The following LRP1B variants were observed in gnomAD, a reference collection of about 807,000 sequenced individuals.
LRP1B encodes the protein low-density lipoprotein receptor-related protein 1B.
A neutral mutation model predicts 556.6 loss-of-function variants in LRP1B; 217 were observed. The observed-to-expected ratio is 0.39, with a 90% confidence interval of 0.35 to 0.44. The LOEUF (loss-of-function observed/expected upper bound fraction) is 0.44. LRP1B is among the 20% of genes least tolerant of loss of function. The probability of loss-of-function intolerance (pLI) is 1.00; values close to 1 mark genes in which losing one functional copy is unlikely to be tolerated. For missense variants in LRP1B, 5,053 were observed against 5,620.8 expected (o/e 0.90, Z 3.23); for synonymous variants, 2,047 against 1,865.8 (o/e 1.10, Z -2.50).
intron 2 of LRP1B, among the ~76,000 whole-genome samples, chr2:141,697,526 C>A (rs1167024833): frequency 6.6e-6 from 1 of 151,876 alleles, no homozygotes; most frequent in Non-Finnish European, 1.5e-5. Flanking sequence ...TGAAGAAGCA[C>A]TGGAAAGTAA....
At chr2:140,748,441 AT>A (rs1559094211) in intron 35 of LRP1B, among the ~76,000 whole-genome samples, 4 of 59,862 alleles carry the variant, frequency 6.7e-5, no homozygotes, top group South Asian at 7.0e-4. Context: ...TTATATATAT[AT>A]TATATATATA....
chr2:140,389,836 A>C (rs369356436), intron 66 of LRP1B, among the ~76,000 whole-genome samples: 1 of 151,504 alleles, frequency 6.6e-6, no homozygotes, highest in Non-Finnish European at 1.5e-5. Context: ...TTGTAAAATT[A>C]CATGGAAAAG....
intron 3 of LRP1B, among the ~76,000 whole-genome samples, chr2:141,260,066 G>A (rs1036086232): frequency 6.6e-6 from 1 of 151,788 alleles, no homozygotes; most frequent in Non-Finnish European, 1.5e-5. Flanking sequence ...GACATGACTC[G>A]GTTGTAGTTT....
At chr2:140,359,171 A>G (rs1422826184) in intron 72 of LRP1B, among the ~76,000 whole-genome samples, 2 of 151,652 alleles carry the variant, frequency 1.3e-5, no homozygotes, top group African/African-American at 2.4e-5. Flanking sequence ...GGAAATACGA[A>G]AGAGCCAAAC....
chr2:140,617,426 A>G (rs539087905), intron 41 of LRP1B, among the ~76,000 whole-genome samples: 1 of 152,110 alleles, frequency 6.6e-6, no homozygotes, highest in South Asian at 2.1e-4. Flanking sequence ...TGGAAATAAA[A>G]ATCAGTGTGT....
chr2:140,420,014 G>GAAAAAAAAAAA (rs76165653), intron 66 of LRP1B, among the ~76,000 whole-genome samples: 1 of 86,352 alleles, frequency 1.2e-5, no homozygotes, highest in Middle Eastern at 9.8e-3. Context: ...TCATAAAAAA[G>GAAAAAAAAAAA]AAAAAAAAAA....
At chr2:141,946,924 A>G (rs1700969146) in intron 1 of LRP1B, among the ~76,000 whole-genome samples, 1 of 152,216 alleles carries the variant, frequency 6.6e-6, no homozygotes, top group Non-Finnish European at 1.5e-5. Flanking sequence ...ATACATTTAA[A>G]AAAACCAAGA....
intron 86 of LRP1B, among the ~76,000 whole-genome samples, chr2:140,260,598 C>T (rs1273912194): frequency 6.6e-6 from 1 of 151,680 alleles, no homozygotes; most frequent in African/African-American, 2.4e-5. Context: ...TTAGCCACAA[C>T]TTTGTGGCAA....
At chr2:141,122,235 G>A (rs1317563841) in intron 7 of LRP1B, among the ~76,000 whole-genome samples, 1 of 152,022 alleles carries the variant, frequency 6.6e-6, no homozygotes, top group African/African-American at 2.4e-5. Context: ...GGCAACAAAA[G>A]CCAAAATTGA....
intron 59 of LRP1B, among the ~76,000 whole-genome samples, chr2:140,482,936 CTTAAAT>C (rs1301005351): frequency 6.6e-6 from 1 of 152,094 alleles, no homozygotes; most frequent in Non-Finnish European, 1.5e-5. Flanking sequence ...TTCTATTAAT[CTTAAAT>C]TTAAGTTTTC....
chr2:140,935,076 G>A lies in LRP1B; in HGVS notation c.3137-11929C>T, dbSNP rs182801541. Among the ~76,000 whole-genome samples the A allele has an allele frequency of 1.4e-4, 22 of 152,196 alleles. 1 individual carries two copies. The highest frequency in any genetic ancestry group is 4.8e-4 in the African/African-American group (20 of 41,552). ...GATTTCCAGAGTTATCACATTATTA[G>A]ATTCAAATTTCTAGTTTTCAACAAA... On this transcript the variant is annotated intron_variant, in intron 20 of 90. Coordinates refer to ENST00000389484, the MANE Select transcript of LRP1B (RefSeq NM_018557.3).
chr2:141,867,687 C>T (rs1184843541), intron 1 of LRP1B, among the ~76,000 whole-genome samples: 2 of 152,104 alleles, frequency 1.3e-5, no homozygotes, highest in South Asian at 2.1e-4. Flanking sequence ...ACAACAATAA[C>T]TATTATTTTT....
chr2:140,699,101 A>G (rs1372254), intron 41 of LRP1B, among the ~76,000 whole-genome samples: 3,377 of 152,116 alleles, frequency 0.022, 52 homozygotes, highest in Middle Eastern at 0.041. Flanking sequence ...TGACACACTC[A>G]TTGTATTCAT....
At chr2:141,017,012 T>C (rs757960218) in intron 12 of LRP1B, among the ~76,000 whole-genome samples, 80 of 152,120 alleles carry the variant, frequency 5.3e-4, no homozygotes, top group Non-Finnish European at 1.1e-3. Context: ...TTAAGCTCTT[T>C]TTAAATTCTC....
chr2:142,093,345 GA>G (rs1706241327), intron 1 of LRP1B, among the ~76,000 whole-genome samples: 1 of 152,070 alleles, frequency 6.6e-6, no homozygotes, highest in Admixed American at 6.6e-5. Flanking sequence ...CAAAATGTGT[GA>G]AATAATGTTT....
chr2:141,048,588 T>C (rs2105444684), intron 11 of LRP1B, among the ~76,000 whole-genome samples: 1 of 152,212 alleles, frequency 6.6e-6, no homozygotes, highest in Admixed American at 6.6e-5. Flanking sequence ...CATTGATATT[T>C]TTCATGCATT....
chr2:140,761,122 G>T (rs655405), intron 35 of LRP1B, among the ~76,000 whole-genome samples: 51,903 of 151,954 alleles, frequency 0.34, 9,148 homozygotes, highest in African/African-American at 0.43. Context: ...TCTGCCTAAA[G>T]GACTTCTCCA....
intron 16 of LRP1B, among the ~76,000 whole-genome samples, chr2:140,993,654 T>A (rs564926254): frequency 6.6e-6 from 1 of 152,050 alleles, no homozygotes; most frequent in East Asian, 1.9e-4. Context: ...GGAATTTAAA[T>A]TGATTTTCCA....
intron 32 of LRP1B, among the ~76,000 whole-genome samples, chr2:140,784,411 C>T (rs180929015): frequency 1.1e-4 from 17 of 150,094 alleles, no homozygotes; most frequent in Middle Eastern, 3.5e-3. Flanking sequence ...CACACACACA[C>T]ACACACACAC....
Sources: allele counts gnomAD v4.1 joint callset (sites outside exome capture counted in the v4.1 genomes callset), GRCh38; gene constraint gnomAD v4.1.1; transcripts MANE v1.5; gene names NCBI Gene and HGNC (gene_info 2026-07-23, HGNC 2026-07-21).